GCNT2: variants seen among roughly 807,000 people sequenced by gnomAD.
The protein encoded by GCNT2 is N-acetyllactosaminide beta-1,6-N-acetylglucosaminyl-transferase.
In GCNT2, 34 loss-of-function variants were observed where a neutral mutation model predicts 34.2. That is an observed-to-expected ratio of 1.00 (90% CI 0.76 to 1.32). The LOEUF (loss-of-function observed/expected upper bound fraction) is 1.32. Among genes scored for constraint, GCNT2 ranks in the 40% most tolerant of loss-of-function variants. GCNT2 has a pLI of 0.00. For synonymous variants in GCNT2, 212 were observed against 188.0 expected, an observed-to-expected ratio of 1.13 and a Z score of -1.04; for missense variants, 584 against 489.4, an observed-to-expected ratio of 1.19 and a Z score of -1.82.
chr6:10,627,175 G>C lies in GCNT2; in HGVS notation c.*568G>C, dbSNP rs938234134. 1 of 157,944 alleles carries C rather than the reference G, an allele frequency of 6.3e-6. No homozygotes were observed. 9.8% of individuals were successfully genotyped at this position (157,944 alleles called of 1,614,324 possible). A position where few individuals can be genotyped will look rare whatever the true frequency, so the allele number is the denominator to read the frequency against. On this transcript the variant is annotated 3_prime_UTR_variant, in exon 5 of 5. Transcript: ENST00000495262. Reference sequence around the variant, plus strand: ...TTGGCTTACTCATGGACAAAGTTCTGTATATAGTATAAAGTCATTAACAAG... The same window carrying C: ...TTGGCTTACTCATGGACAAAGTTCTCTATATAGTATAAAGTCATTAACAAG...
chr6:10,601,679 C>T (rs180682413), intron 3 of GCNT2, among the ~76,000 whole-genome samples: 6 of 152,194 alleles, frequency 3.9e-5, no homozygotes, highest in Admixed American at 1.3e-4. Context: ...CAGTGGCTCA[C>T]GCCTGTAATC....
chr6:10,542,897 T>C, intron 3 of GCNT2, among the ~76,000 whole-genome samples: 1 of 140,830 alleles, frequency 7.1e-6, no homozygotes, highest in Non-Finnish European at 1.5e-5. Context: ...TTAATTCTTT[T>C]TTTTTTTTTT....
At chr6:10,543,691 T>C (rs1483917315) in intron 3 of GCNT2, among the ~76,000 whole-genome samples, 1 of 152,198 alleles carries the variant, frequency 6.6e-6, no homozygotes, top group Non-Finnish European at 1.5e-5. Flanking sequence ...ATGTCCCTAA[T>C]TAACAATGAT....
intron 3 of GCNT2, among the ~76,000 whole-genome samples, chr6:10,614,512 G>A: frequency 6.6e-6 from 1 of 151,732 alleles, no homozygotes; most frequent in Non-Finnish European, 1.5e-5. Flanking sequence ...TCTAGTCCCA[G>A]CTACTTGGAA....
At chr6:10,574,158 G>C (rs1375223614) in intron 3 of GCNT2, among the ~76,000 whole-genome samples, 1 of 152,182 alleles carries the variant, frequency 6.6e-6, no homozygotes, top group Admixed American at 6.5e-5. Context: ...ACGGGGGCAC[G>C]CAGAGGGGCT....
intron 3 of GCNT2, among the ~76,000 whole-genome samples, chr6:10,537,849 A>G (rs1581374551): frequency 6.6e-6 from 1 of 152,184 alleles, no homozygotes. Context: ...GATGGGCAAA[A>G]TCATCTTACA....
At chr6:10,549,930 T>C (rs1329005702) in intron 3 of GCNT2, among the ~76,000 whole-genome samples, 1 of 152,184 alleles carries the variant, frequency 6.6e-6, no homozygotes, top group Admixed American at 6.5e-5. Context: ...GTTTGTGTAT[T>C]CATTTTCTCC....
At chr6:10,599,546 A>C (rs924251524) in intron 3 of GCNT2, among the ~76,000 whole-genome samples, 14 of 152,180 alleles carry the variant, frequency 9.2e-5, no homozygotes, top group Non-Finnish European at 2.9e-5. Flanking sequence ...CGTATGAATT[A>C]GACATGAGGC....
At chr6:10,533,911 G>A (rs539132508) in intron 3 of GCNT2, among the ~76,000 whole-genome samples, 34 of 150,306 alleles carry the variant, frequency 2.3e-4, no homozygotes, top group Non-Finnish European at 3.0e-4. Context: ...GGTGGACCAC[G>A]CATCCTCATT....
intron 3 of GCNT2, among the ~76,000 whole-genome samples, chr6:10,607,836 T>C (rs1765390299): frequency 6.6e-6 from 1 of 152,162 alleles, no homozygotes; most frequent in South Asian, 2.1e-4. Context: ...TAAGTTCACA[T>C]GGTAAACATG....
At chr6:10,624,907 G>A (rs1464648820) in intron 4 of GCNT2, among the ~76,000 whole-genome samples, 1 of 152,038 alleles carries the variant, frequency 6.6e-6, no homozygotes, top group African/African-American at 2.4e-5. Context: ...TGTACTCATT[G>A]CCCCTATCTT....
chr6:10,578,666 T>C (rs1420139455), intron 3 of GCNT2, among the ~76,000 whole-genome samples: 1 of 152,060 alleles, frequency 6.6e-6, no homozygotes, highest in East Asian at 2.0e-4. Context: ...CAGGATGGTC[T>C]CAATCTCCTG....
chr6:10,599,944 T>C (rs1055503122), intron 3 of GCNT2, among the ~76,000 whole-genome samples: 1 of 152,150 alleles, frequency 6.6e-6, no homozygotes, highest in Non-Finnish European at 1.5e-5. Context: ...AATAACAGAA[T>C]GATTTTGTGA....
intron 3 of GCNT2, among the ~76,000 whole-genome samples, chr6:10,568,520 T>A (rs1437738960): frequency 6.6e-6 from 1 of 152,220 alleles, no homozygotes; most frequent in African/African-American, 2.4e-5. Flanking sequence ...CGAGTCTCCC[T>A]CTTCAAACCA....
At chr6:10,589,206 G>A (rs528336325) in intron 3 of GCNT2, among the ~76,000 whole-genome samples, 1 of 147,068 alleles carries the variant, frequency 6.8e-6, no homozygotes, top group Admixed American at 6.8e-5. Flanking sequence ...TATGGTGTGT[G>A]TGGTGTGTGT....
rs923747871 is a variant in GCNT2 at position 10,585,813 on chromosome 6, A to G, written c.926-35538A>G. On this transcript the variant is annotated intron_variant, in intron 3 of 4. Transcript: ENST00000495262. ...GCATCTCCAGGCACATCCAAAAAGG[A>G]TGGACGAGACACCGAAGCAGAGGAT... 4.1e-6 allele frequency: 6 copies of G among 1,449,444 alleles called. No individual in the cohort carries two copies. The African/African-American group carries it at 8.6e-5, about 21-fold the overall frequency. The allele number at this position is 1,449,444 out of a possible 1,614,324, so 89.8% of individuals were successfully genotyped here.
chr6:10,568,723 A>G (rs936064516), intron 3 of GCNT2, among the ~76,000 whole-genome samples: 2 of 151,816 alleles, frequency 1.3e-5, no homozygotes, highest in Admixed American at 6.6e-5. Context: ...CCCACCGTCA[A>G]CTCCCATTGC....
chr6:10,617,438 C>G (rs561293570), intron 3 of GCNT2, among the ~76,000 whole-genome samples: 2 of 152,218 alleles, frequency 1.3e-5, no homozygotes, highest in African/African-American at 4.8e-5. Flanking sequence ...TGGCTCTGGC[C>G]TTGGCCAGCC....
chr6:10,558,570 G>A (rs1420934855), intron 3 of GCNT2, among the ~76,000 whole-genome samples: 2 of 152,136 alleles, frequency 1.3e-5, no homozygotes, highest in African/African-American at 2.4e-5. Context: ...AGAAAACAGC[G>A]TGCTTTGGAC....
Sources: allele counts gnomAD v4.1 joint callset (sites outside exome capture counted in the v4.1 genomes callset), GRCh38; gene constraint gnomAD v4.1.1; transcripts MANE v1.5; gene names NCBI Gene and HGNC (gene_info 2026-07-23, HGNC 2026-07-21).